GLIS3: variants seen among roughly 807,000 people sequenced by gnomAD.
The protein encoded by GLIS3 is GLIS family zinc finger 3, also known as zinc finger protein GLIS3.
In GLIS3, 53 loss-of-function variants were observed where a neutral mutation model predicts 78.6. The observed-to-expected ratio is 0.67, with a 90% CI of 0.54 to 0.85. The LOEUF is 0.85. Among genes scored for constraint, GLIS3 ranks in the 40% least tolerant of loss-of-function variants. The probability of loss-of-function intolerance (pLI) is 0.00; values close to 1 mark genes in which losing one functional copy is unlikely to be tolerated. For missense variants in GLIS3, 1,703 were observed against 1,231.1 expected, an observed-to-expected ratio of 1.38 and a Z score of -5.74; for synonymous variants, 684 against 509.9, an observed-to-expected ratio of 1.34 and a Z score of -4.60.
chr9:3,938,606 G>C lies in GLIS3; in HGVS notation c.1711-1417C>G, dbSNP rs1213388728. On this transcript the variant is annotated intron_variant, in intron 4 of 10. Coordinates refer to ENST00000381971, the MANE Select transcript of GLIS3 (RefSeq NM_001042413.2). Reference sequence around the variant, plus strand: ...GATTTTGCATGCTGGAGTATTTTAAGAAATTTATGAAAGTTGCACTTATTT... The same window carrying C: ...GATTTTGCATGCTGGAGTATTTTAACAAATTTATGAAAGTTGCACTTATTT... Among the ~76,000 whole-genome samples, 3 of 152,148 alleles carry C rather than the reference G, an allele frequency of 2.0e-5. No homozygotes were observed. The South Asian group carries it at 6.2e-4, about 31-fold the overall frequency.
At chr9:4,337,387 G>T (rs1333136720) in intron 2 of GLIS3, among the ~76,000 whole-genome samples, 1 of 152,140 alleles carries the variant, frequency 6.6e-6, no homozygotes, top group Non-Finnish European at 1.5e-5. Context: ...AAGTGATATG[G>T]TCAAAAAATT....
intron 2 of GLIS3, chr9:4,285,687 G>A (rs1827926379): frequency 4.2e-6 from 1 of 236,036 alleles, no homozygotes; most frequent in Non-Finnish European, 8.4e-6. Flanking sequence ...TCAGCCCCCA[G>A]GGAAACAGGG....
At chr9:3,874,798 C>A (rs780436221) in intron 8 of GLIS3, among the ~76,000 whole-genome samples, 5 of 152,182 alleles carry the variant, frequency 3.3e-5, no homozygotes, top group Non-Finnish European at 4.4e-5. Flanking sequence ...ACAGAAAAAA[C>A]ACTTTGTTTT....
chr9:4,111,802 G>T (rs769142870), intron 4 of GLIS3, among the ~76,000 whole-genome samples: 1 of 152,142 alleles, frequency 6.6e-6, no homozygotes, highest in African/African-American at 2.4e-5. Context: ...ATGCCTTGTG[G>T]GATATGACTT....
At position 4,001,868 on chromosome 9, in the gene GLIS3, T is replaced by A. The variant is rs554561039; in HGVS notation, c.1711-64679A>T. ...TCCCAAACTGGTCTCTATCCTTTGG[T>A]GGGACAAATGTATTAATACTAGCAT... is the stretch of plus-strand genomic sequence containing the variant. On this transcript the variant is annotated intron_variant, in intron 4 of 10. Transcript: ENST00000381971. Among the ~76,000 whole-genome samples, 10 of 152,320 alleles carry A rather than the reference T, an allele frequency of 6.6e-5. No homozygotes were observed. In the South Asian group the frequency reaches 2.1e-3, roughly 32 times the overall value.
At chr9:3,938,238 G>A (rs570719372) in intron 4 of GLIS3, among the ~76,000 whole-genome samples, 5 of 152,160 alleles carry the variant, frequency 3.3e-5, no homozygotes, top group African/African-American at 7.2e-5. Context: ...TGAGAAATAC[G>A]GAACACCTAC....
intron 2 of GLIS3, among the ~76,000 whole-genome samples, chr9:4,146,141 G>A (rs1159146485): frequency 6.6e-6 from 1 of 152,048 alleles, no homozygotes; most frequent in African/African-American, 2.4e-5. Context: ...TATTCATTTA[G>A]TGCAAGAAGC....
At chr9:4,352,717 G>C (rs1335021500), upstream of GLIS3, among the ~76,000 whole-genome samples, 1 of 152,240 alleles carries the variant, frequency 6.6e-6, no homozygotes, top group Non-Finnish European at 1.5e-5. Flanking sequence ...CAGTTCAGCT[G>C]GCCCTTGTGC....
chr9:3,902,903 GT>G (rs1823418516), intron 6 of GLIS3, among the ~76,000 whole-genome samples: 1 of 152,154 alleles, frequency 6.6e-6, no homozygotes, highest in Non-Finnish European at 1.5e-5. Flanking sequence ...TTCTGAAGTA[GT>G]GACTTTGGGC....
chr9:3,903,527 C>T (rs1199227313), intron 6 of GLIS3, among the ~76,000 whole-genome samples: 1 of 152,202 alleles, frequency 6.6e-6, no homozygotes, highest in Non-Finnish European at 1.5e-5. Flanking sequence ...CTCAGCTGCC[C>T]TAACCACACT....
intron 4 of GLIS3, among the ~76,000 whole-genome samples, chr9:3,985,306 C>T (rs959482505): frequency 6.6e-6 from 1 of 152,072 alleles, no homozygotes; most frequent in East Asian, 1.9e-4. Flanking sequence ...CCACACCTGG[C>T]TAATTGTTTT....
chr9:4,257,947 T>C (rs1242883400), intron 2 of GLIS3, among the ~76,000 whole-genome samples: 2 of 152,136 alleles, frequency 1.3e-5, no homozygotes, highest in Admixed American at 1.3e-4. Flanking sequence ...AAAATACACA[T>C]TTATATCTAA....
intron 2 of GLIS3, among the ~76,000 whole-genome samples, chr9:4,210,268 G>C (rs1218783521): frequency 2.6e-5 from 4 of 152,202 alleles, no homozygotes; most frequent in East Asian, 3.8e-4. Context: ...TTGTGGTATG[G>C]TTAATCATTC....
At chr9:3,968,918 G>A (rs575711646) in intron 4 of GLIS3, among the ~76,000 whole-genome samples, 42 of 152,320 alleles carry the variant, frequency 2.8e-4, no homozygotes, top group Middle Eastern at 3.4e-3. Flanking sequence ...ATAAGTGAGT[G>A]AGCAAATTTA....
chr9:3,918,735 C>T (rs1350181642), intron 6 of GLIS3, among the ~76,000 whole-genome samples: 1 of 152,170 alleles, frequency 6.6e-6, no homozygotes, highest in Non-Finnish European at 1.5e-5. Flanking sequence ...CCCTAGGATA[C>T]ACATGGCATT....
chr9:4,428,193 A>C, the GLIS3 span, among the ~76,000 whole-genome samples: 1 of 151,944 alleles, frequency 6.6e-6, no homozygotes, highest in African/African-American at 2.4e-5. Flanking sequence ...AATAATAATA[A>C]TAAGGCCAGG....
At chr9:3,894,085 C>T (rs558182758) in intron 7 of GLIS3, among the ~76,000 whole-genome samples, 1 of 151,834 alleles carries the variant, frequency 6.6e-6, no homozygotes, top group African/African-American at 2.4e-5. Context: ...AAATGTTTAC[C>T]TTTAAATCCC....
intron 2 of GLIS3, among the ~76,000 whole-genome samples, chr9:4,141,464 C>G (rs1317793320): frequency 6.6e-6 from 1 of 152,166 alleles, no homozygotes; most frequent in African/African-American, 2.4e-5. Flanking sequence ...TCAGCAGTAA[C>G]CTGAAGAACC....
At chr9:4,144,801 G>A (rs900365203) in intron 2 of GLIS3, 18 of 151,992 alleles carry the variant, frequency 1.2e-4, no homozygotes, top group African/African-American at 3.9e-4. Flanking sequence ...TTTGCTTCTC[G>A]TAAACATAAC....
Sources: gnomAD v4.1 joint callset for allele counts (sites outside exome capture counted in the v4.1 genomes callset) on GRCh38, gnomAD v4.1.1 for gene constraint, MANE v1.5 for transcripts, NCBI Gene and HGNC (gene_info 2026-07-23, HGNC 2026-07-21) for gene names.